Variants in SCFD2 observed in about 807,000 individuals in gnomAD.
SCFD2 encodes the protein sec1 family domain-containing protein 2.
A neutral mutation model predicts 58.9 loss-of-function variants in SCFD2; 54 were observed. The ratio of observed to expected loss-of-function variants is 0.92; its 90% confidence interval spans 0.74 to 1.15. The LOEUF (loss-of-function observed/expected upper bound fraction) is 1.15. Among genes scored for constraint, SCFD2 ranks in the 50% most tolerant of loss-of-function variants. The pLI, the probability that SCFD2 is intolerant of heterozygous loss-of-function variation, is 0.00. For synonymous variants in SCFD2, 321 were observed against 335.9 expected (o/e 0.96, Z 0.49); for missense variants, 805 against 836.6 (o/e 0.96, Z 0.47).
chr4:53,009,030 A>G lies in SCFD2; in HGVS notation c.1562-88160T>C, dbSNP rs544367905. Among the ~76,000 whole-genome samples the G allele has an allele frequency of 2.6e-5, 4 of 152,272 alleles. No individual in the cohort carries two copies. The South Asian group carries it at 8.3e-4, about 32-fold the overall frequency. ...CTCTAAAAGCACTGTGGGGACTCTA[A>G]TGGCTTTCCTTTGGATGGTCAGCCA... On this transcript the variant is annotated intron_variant, in intron 5 of 8. Transcript: ENST00000401642.
intron 4 of SCFD2, among the ~76,000 whole-genome samples, chr4:53,212,607 T>TGTGTGTGTGTGTGC (rs1553887151): frequency 6.7e-6 from 1 of 148,974 alleles, no homozygotes; most frequent in Non-Finnish European, 1.5e-5. Flanking sequence ...TGTGTGTGTG[T>TGTGTGTGTGTGTGC]GCATGTGGTG....
intron 4 of SCFD2, among the ~76,000 whole-genome samples, chr4:53,153,394 G>A (rs1241532294): frequency 1.3e-5 from 2 of 152,248 alleles, no homozygotes; most frequent in Admixed American, 1.3e-4. Context: ...CTCCAGAGCA[G>A]CAACTAAAGT....
intron 4 of SCFD2, among the ~76,000 whole-genome samples, chr4:53,196,536 C>A (rs1021190222): frequency 6.6e-6 from 1 of 152,130 alleles, no homozygotes; most frequent in African/African-American, 2.4e-5. Context: ...AAAGACCATT[C>A]GCGAGAGACT....
chr4:53,139,267 T>C (rs1020371432), intron 5 of SCFD2, among the ~76,000 whole-genome samples: 9 of 152,170 alleles, frequency 5.9e-5, no homozygotes, highest in Non-Finnish European at 1.0e-4. Context: ...AGTGCCGAGA[T>C]TGCAACCTCT....
chr4:53,109,166 C>G (rs973470374), intron 5 of SCFD2, among the ~76,000 whole-genome samples: 1 of 152,042 alleles, frequency 6.6e-6, no homozygotes, highest in Admixed American at 6.6e-5. Flanking sequence ...AAATTCAACA[C>G]CCCTTCATGC....
chr4:53,244,228 C>T (rs1431144245), intron 4 of SCFD2, among the ~76,000 whole-genome samples: 1 of 152,030 alleles, frequency 6.6e-6, no homozygotes, highest in Non-Finnish European at 1.5e-5. Flanking sequence ...CAACACTGGA[C>T]CAAATGGACC....
At chr4:53,194,947 A>T (rs906257606) in intron 4 of SCFD2, among the ~76,000 whole-genome samples, 3 of 152,208 alleles carry the variant, frequency 2.0e-5, no homozygotes, top group Non-Finnish European at 4.4e-5. Context: ...AATGGATTTG[A>T]ACTGGACAGA....
At chr4:53,275,280 A>G (rs1364879370) in intron 3 of SCFD2, among the ~76,000 whole-genome samples, 1 of 152,132 alleles carries the variant, frequency 6.6e-6, no homozygotes, top group African/African-American at 2.4e-5. Context: ...TCTTTTCATT[A>G]ATTTTTTTGA....
chr4:53,262,104 T>C (rs1388823558), intron 4 of SCFD2, among the ~76,000 whole-genome samples: 3 of 152,220 alleles, frequency 2.0e-5, no homozygotes, highest in Non-Finnish European at 4.4e-5. Context: ...TTGCATGGAA[T>C]ATCTTTGTCC....
At chr4:53,309,797 G>T (rs1732633249) in intron 3 of SCFD2, among the ~76,000 whole-genome samples, 2 of 152,254 alleles carry the variant, frequency 1.3e-5, no homozygotes, top group South Asian at 4.1e-4. Context: ...TTATAATTTA[G>T]TTTCCCGTGC....
At chr4:53,035,937 A>T (rs1387085670) in intron 5 of SCFD2, among the ~76,000 whole-genome samples, 4 of 152,322 alleles carry the variant, frequency 2.6e-5, no homozygotes, top group South Asian at 2.1e-4. Flanking sequence ...AAGGATCTAG[A>T]CCTAGAAATA....
intron 4 of SCFD2, among the ~76,000 whole-genome samples, chr4:53,261,534 G>A (rs1168994392): frequency 6.6e-6 from 1 of 152,114 alleles, no homozygotes; most frequent in African/African-American, 2.4e-5. Context: ...ATGGTTTTGA[G>A]GGTTCCTTTT....
chr4:52,989,370 A>C (rs1190587112), intron 5 of SCFD2, among the ~76,000 whole-genome samples: 1 of 152,236 alleles, frequency 6.6e-6, no homozygotes, highest in Non-Finnish European at 1.5e-5. Flanking sequence ...TGATGGAAAT[A>C]GTCTTATTAA....
chr4:53,210,669 ATTC>A (rs1232638797), intron 4 of SCFD2, among the ~76,000 whole-genome samples: 1 of 152,108 alleles, frequency 6.6e-6, no homozygotes, highest in African/African-American at 2.4e-5. Flanking sequence ...AACGTGCATT[ATTC>A]TTTTTAATAA....
chr4:53,361,707 A>C (rs1323858869), intron 1 of SCFD2, among the ~76,000 whole-genome samples: 25 of 152,228 alleles, frequency 1.6e-4, no homozygotes, highest in Admixed American at 1.3e-3. Flanking sequence ...TTATCTATAA[A>C]ATACTCATAT....
intron 5 of SCFD2, among the ~76,000 whole-genome samples, chr4:52,979,128 T>G (rs917941686): frequency 6.6e-6 from 1 of 151,654 alleles, no homozygotes; most frequent in African/African-American, 2.4e-5. Flanking sequence ...CAAAACAGGC[T>G]AAGAAAATGA....
At chr4:53,037,455 T>C (rs114984802) in intron 5 of SCFD2, among the ~76,000 whole-genome samples, 2,244 of 152,180 alleles carry the variant, frequency 0.015, 53 homozygotes, top group African/African-American at 0.051. Context: ...TTTAAAGCTA[T>C]AAAATCTTAT....
rs548224095 is a variant in SCFD2, at chr4:53,105,201, G to A, written c.1561+40132C>T. The stretch of plus-strand genomic sequence containing the variant: ...ATTCTTCACAACCTGCAGACCAGGA[G>A]ATTCACTTCCGTGCCTACACCACCA... On this transcript the variant is annotated intron_variant, in intron 5 of 8. Coordinates refer to ENST00000401642, the MANE Select transcript of SCFD2 (RefSeq NM_152540.4). 4.6e-5 allele frequency among the ~76,000 whole-genome samples: 7 copies of A among 152,242 alleles called. No homozygotes were observed. In the East Asian group the frequency reaches 1.2e-3, roughly 25 times the overall value.
intron 4 of SCFD2, among the ~76,000 whole-genome samples, chr4:53,198,751 T>C (rs536985872): frequency 6.8e-4 from 104 of 152,130 alleles, no homozygotes; most frequent in South Asian, 6.4e-3. Flanking sequence ...TCTTGGAGAA[T>C]ATGGACTGCT....
Sources: gnomAD v4.1 joint callset for allele counts (sites outside exome capture counted in the v4.1 genomes callset) on GRCh38, gnomAD v4.1.1 for gene constraint, MANE v1.5 for transcripts, NCBI Gene and HGNC (gene_info 2026-07-23, HGNC 2026-07-21) for gene names.